ADGRL2: variants seen among roughly 807,000 people sequenced by gnomAD.
ADGRL2 encodes calcium-independent alpha-latrotoxin receptor 2.
Under a neutral mutation model 157.4 loss-of-function variants are expected in ADGRL2, and 44 were observed. That is an observed-to-expected ratio of 0.28 (90% CI 0.22 to 0.36). The LOEUF (loss-of-function observed/expected upper bound fraction) is 0.36, where lower values mean the gene tolerates loss of function less well. Ranked by LOEUF, ADGRL2 falls within the 10% of genes least tolerant of loss-of-function variation. The pLI is 1.00. For synonymous variants in ADGRL2, 585 were observed against 624.7 expected (o/e 0.94, Z 0.95); for missense variants, 1,510 against 1,768.9 (o/e 0.85, Z 2.63).
intron 2 of ADGRL2, among the ~76,000 whole-genome samples, chr1:81,768,810 G>A (rs1478533405): frequency 6.6e-6 from 1 of 152,172 alleles, no homozygotes; most frequent in African/African-American, 2.4e-5. Flanking sequence ...GCCAGGCGAT[G>A]TAGCTCATGC....
chr1:81,491,175 A>T (rs2078624614), intron 2 of ADGRL2, among the ~76,000 whole-genome samples: 2 of 151,300 alleles, frequency 1.3e-5, no homozygotes, highest in Admixed American at 1.3e-4. Context: ...CAAATATATA[A>T]TGTTATGTGA....
chr1:81,398,825 A>T (rs1438014566), intron 1 of ADGRL2, among the ~76,000 whole-genome samples: 6 of 152,108 alleles, frequency 3.9e-5, no homozygotes, highest in Non-Finnish European at 7.4e-5. Context: ...TACTGTTTTT[A>T]AAAATTCTCT....
At chr1:81,457,322 A>G (rs187989876) in intron 2 of ADGRL2, among the ~76,000 whole-genome samples, 1 of 152,286 alleles carries the variant, frequency 6.6e-6, no homozygotes. Flanking sequence ...AATATACTAC[A>G]AAAAGAAAAT....
intron 3 of ADGRL2, among the ~76,000 whole-genome samples, chr1:81,618,316 A>AT (rs1228436974): frequency 6.6e-6 from 1 of 152,170 alleles, no homozygotes; most frequent in Non-Finnish European, 1.5e-5. Flanking sequence ...TTGCACCTGA[A>AT]TCCCTTGCTG....
At chr1:81,797,486 C>G (rs2087648276), upstream of ADGRL2, among the ~76,000 whole-genome samples, 1 of 152,142 alleles carries the variant, frequency 6.6e-6, no homozygotes, top group Non-Finnish European at 1.5e-5. Context: ...CAACCCCTGA[C>G]CCTTTTAGAA....
intron 2 of ADGRL2, among the ~76,000 whole-genome samples, chr1:81,579,705 ACAGTGC>A (rs1211545280): frequency 3.2e-4 from 49 of 152,234 alleles, no homozygotes; most frequent in Admixed American, 1.2e-3. Flanking sequence ...TAAATAAAAT[ACAGTGC>A]TTGCCAAAAT....
intron 1 of ADGRL2, among the ~76,000 whole-genome samples, chr1:81,717,804 A>G (rs2084166084): frequency 6.6e-6 from 1 of 152,234 alleles, no homozygotes; most frequent in African/African-American, 2.4e-5. Flanking sequence ...ATTGTGCTAC[A>G]GAATATTTTC....
chr1:81,924,513 C>T (rs1304080626), intron 3 of ADGRL2, among the ~76,000 whole-genome samples: 4 of 152,052 alleles, frequency 2.6e-5, no homozygotes, highest in Non-Finnish European at 4.4e-5. Context: ...TAGATAATAT[C>T]GTAGAGAGAT....
At chr1:81,411,643 A>G (rs1033665414) in intron 1 of ADGRL2, among the ~76,000 whole-genome samples, 3 of 152,302 alleles carry the variant, frequency 2.0e-5, no homozygotes, top group African/African-American at 7.2e-5. Context: ...CTGTAATCCC[A>G]GCACTTTGGG....
At chr1:81,343,080 C>CTTTTTTTTTTTTTTTTTTTTTTTT (rs1662196774) in intron 1 of ADGRL2, among the ~76,000 whole-genome samples, 1 of 111,352 alleles carries the variant, frequency 9.0e-6, no homozygotes, top group African/African-American at 3.7e-5. Context: ...TTCTTTTTTT[C>CTTTTTTTTTTTTTTTTTTTTTTTT]TTTTTTCTTT....
chr1:81,785,933 T>A (rs1427157670), intron 2 of ADGRL2, among the ~76,000 whole-genome samples: 1 of 151,266 alleles, frequency 6.6e-6, no homozygotes, highest in Non-Finnish European at 1.5e-5. Flanking sequence ...ATAGAGAGAC[T>A]CTGTCTCTAC....
chr1:81,332,117 TAGA>T (rs909684530), intron 1 of ADGRL2, among the ~76,000 whole-genome samples: 2 of 152,142 alleles, frequency 1.3e-5, no homozygotes, highest in African/African-American at 4.8e-5. Flanking sequence ...GATGTCATGA[TAGA>T]AGGTTTCCAG....
At chr1:81,635,062 C>A (rs1389728493) in intron 3 of ADGRL2, among the ~76,000 whole-genome samples, 1 of 152,148 alleles carries the variant, frequency 6.6e-6, no homozygotes, top group African/African-American at 2.4e-5. Flanking sequence ...GGGGAGAAGG[C>A]AGATACATAG....
intron 2 of ADGRL2, among the ~76,000 whole-genome samples, chr1:81,520,071 G>A (rs1362369214): frequency 6.6e-6 from 1 of 152,044 alleles, no homozygotes; most frequent in African/African-American, 2.4e-5. Context: ...AGATGATGCT[G>A]GAGGCTGAAG....
At chr1:81,551,335 A>T (rs528408915) in intron 2 of ADGRL2, among the ~76,000 whole-genome samples, 1 of 152,278 alleles carries the variant, frequency 6.6e-6, no homozygotes, top group East Asian at 1.9e-4. Flanking sequence ...CTTTCAGAAG[A>T]CAGCTTTTGT....
At chr1:81,338,804 G>A (rs1661842326) in intron 1 of ADGRL2, among the ~76,000 whole-genome samples, 2 of 152,076 alleles carry the variant, frequency 1.3e-5, no homozygotes, top group African/African-American at 4.8e-5. Flanking sequence ...CTGAACCCGG[G>A]CAGCTTGGCT....
intron 1 of ADGRL2, among the ~76,000 whole-genome samples, chr1:81,359,364 G>T (rs2075934407): frequency 1.3e-5 from 2 of 152,098 alleles, no homozygotes; most frequent in South Asian, 2.1e-4. Context: ...AAAGCTTACA[G>T]TCTTTAGTTC....
At chr1:81,632,775 TG>T (rs1365557784) in intron 3 of ADGRL2, among the ~76,000 whole-genome samples, 4 of 149,754 alleles carry the variant, frequency 2.7e-5, no homozygotes, top group Admixed American at 6.7e-5. Context: ...AAAAAGTCAT[TG>T]TGGGCAGAGT....
chr1:81,640,239 G>A (rs1337151966), intron 3 of ADGRL2, among the ~76,000 whole-genome samples: 1 of 152,116 alleles, frequency 6.6e-6, no homozygotes, highest in Non-Finnish European at 1.5e-5. Context: ...ATGGCAAAAT[G>A]ATGGTAATTG....
Sources: gnomAD v4.1 joint callset for allele counts (sites outside exome capture counted in the v4.1 genomes callset) on GRCh38, gnomAD v4.1.1 for gene constraint, MANE v1.5 for transcripts, NCBI Gene and HGNC (gene_info 2026-07-23, HGNC 2026-07-21) for gene names.